The following PCDH11X variants were observed in gnomAD, a reference collection of about 807,000 sequenced individuals.
The protein encoded by PCDH11X is protocadherin-11 X-linked.
In PCDH11X, 18 loss-of-function variants were observed where a neutral mutation model predicts 53.3. That is an observed-to-expected ratio of 0.34 (90% confidence interval 0.23 to 0.50). The LOEUF (loss-of-function observed/expected upper bound fraction) is 0.50. Among genes scored for constraint, PCDH11X ranks in the 20% least tolerant of loss-of-function variants. The pLI, the probability that PCDH11X is intolerant of heterozygous loss-of-function variation, is 0.98. For missense variants in PCDH11X, 570 were observed against 1,032.4 expected (o/e 0.55, Z 6.14); for synonymous variants, 279 against 393.3 (o/e 0.71, Z 3.44).
chrX:92,139,396 C>T (rs1340403521), intron 6 of PCDH11X, among the ~76,000 whole-genome samples: 1 of 106,424 alleles, frequency 9.4e-6, no homozygotes, highest in Non-Finnish European at 1.9e-5. Flanking sequence ...CTGCCTCAGC[C>T]TCCCAAGTAG....
intron 10 of PCDH11X, among the ~76,000 whole-genome samples, chrX:92,594,841 A>AT (rs372757429): frequency 0.29 from 23,614 of 82,290 alleles, 2,443 homozygotes; most frequent in Middle Eastern, 0.45. Context: ...AAACATTGCT[A>AT]TTTTTTTTGT....
intron 6 of PCDH11X, among the ~76,000 whole-genome samples, chrX:91,969,811 G>A (rs867180602): frequency 2.0e-5 from 2 of 99,490 alleles, no homozygotes; most frequent in Admixed American, 2.2e-4. Context: ...AAAAAAAAAA[G>A]GAAAAAAGAA....
At chrX:91,922,190 T>C (rs1941768039) in intron 6 of PCDH11X, among the ~76,000 whole-genome samples, 1 of 112,006 alleles carries the variant, frequency 8.9e-6, no homozygotes, top group Admixed American at 9.5e-5. Context: ...CTAACCTGTA[T>C]ATAGCACTTA....
intron 10 of PCDH11X, among the ~76,000 whole-genome samples, chrX:92,523,483 A>G (rs892575562): frequency 1.8e-5 from 2 of 112,164 alleles, no homozygotes; most frequent in Admixed American, 1.9e-4. Context: ...AGAAGAAAAC[A>G]TGTTGAATGA....
intron 8 of PCDH11X, among the ~76,000 whole-genome samples, chrX:92,315,753 C>A (rs1202501431): frequency 1.9e-5 from 2 of 107,413 alleles, no homozygotes; most frequent in African/African-American, 6.8e-5. Context: ...CCAGGCTGGT[C>A]CTGAACTCTT....
intron 6 of PCDH11X, among the ~76,000 whole-genome samples, chrX:92,034,119 A>T (rs1343572061): frequency 1.8e-5 from 2 of 110,904 alleles, no homozygotes; most frequent in South Asian, 3.8e-4. Context: ...AAGATGCTTG[A>T]TATGATTTCA....
intron 6 of PCDH11X, among the ~76,000 whole-genome samples, chrX:92,191,627 AG>A (rs968482277): frequency 1.8e-5 from 2 of 112,536 alleles, no homozygotes; most frequent in African/African-American, 6.4e-5. Flanking sequence ...ACATCAACCT[AG>A]GAATTGCAGT....
At chrX:91,965,694 C>T (rs139892145) in intron 6 of PCDH11X, among the ~76,000 whole-genome samples, 6,370 of 111,570 alleles carry the variant, frequency 0.057, 144 homozygotes, top group Middle Eastern at 0.069. Context: ...AATAAAAGAT[C>T]TTGTTCAATT....
At chrX:91,945,986 A>G (rs2061567987) in intron 6 of PCDH11X, among the ~76,000 whole-genome samples, 1 of 109,330 alleles carries the variant, frequency 9.1e-6, no homozygotes, top group Non-Finnish European at 1.9e-5. Context: ...TAACTACATT[A>G]TACTTTTAAT....
intron 6 of PCDH11X, among the ~76,000 whole-genome samples, chrX:92,059,053 A>G (rs2063490103): frequency 9.3e-6 from 1 of 107,758 alleles, no homozygotes; most frequent in Non-Finnish European, 1.9e-5. Context: ...GAAGCTTGTG[A>G]TATGATGCTT....
At chrX:91,875,418 G>A (rs988465932) in intron 5 of PCDH11X, among the ~76,000 whole-genome samples, 5 of 106,987 alleles carry the variant, frequency 4.7e-5, no homozygotes, top group Non-Finnish European at 7.7e-5. Flanking sequence ...GAGCAGCTGG[G>A]ACCACAGGCG....
At chrX:92,429,387 A>G (rs1462421689) in intron 9 of PCDH11X, among the ~76,000 whole-genome samples, 1 of 110,132 alleles carries the variant, frequency 9.1e-6, no homozygotes, top group African/African-American at 3.3e-5. Context: ...CACCCTGATC[A>G]TTAATGTCAC....
chrX:92,009,864 G>A (rs1390108471), intron 6 of PCDH11X, among the ~76,000 whole-genome samples: 3 of 108,807 alleles, frequency 2.8e-5, no homozygotes, highest in Admixed American at 1.0e-4. Flanking sequence ...CACCATGCCC[G>A]GCTAATTTTT....
chrX:92,335,406 G>T (rs761995145), intron 8 of PCDH11X, among the ~76,000 whole-genome samples: 1 of 108,773 alleles, frequency 9.2e-6, no homozygotes, highest in African/African-American at 3.3e-5. Flanking sequence ...TCAGGAATCT[G>T]AAAGTAATGT....
At chrX:91,984,336 A>C (rs2147932755) in intron 6 of PCDH11X, among the ~76,000 whole-genome samples, 1 of 99,944 alleles carries the variant, frequency 1.0e-5, no homozygotes, top group Non-Finnish European at 2.0e-5. Context: ...CTTTTGTCAT[A>C]ATGTTCTTTC....
At chrX:92,073,531 A>G (rs759074889) in intron 6 of PCDH11X, among the ~76,000 whole-genome samples, 2 of 112,904 alleles carry the variant, frequency 1.8e-5, no homozygotes, top group Admixed American at 9.4e-5. Context: ...GAATAAAATA[A>G]GATATCTTAC....
chrX:92,278,913 G>C (rs6615353), intron 8 of PCDH11X, among the ~76,000 whole-genome samples: 5,258 of 104,976 alleles, frequency 0.05, 342 homozygotes, highest in East Asian at 0.23. Context: ...CTGGGTTCAA[G>C]CGAGTCTCCT....
chrX:91,867,908 A>G (rs1309139988), intron 5 of PCDH11X, among the ~76,000 whole-genome samples: 3 of 111,614 alleles, frequency 2.7e-5, no homozygotes, highest in Admixed American at 9.5e-5. Context: ...TCTGTTTGAA[A>G]TGTTCAAGGG....
At chrX:92,110,408 G>A (rs1036511146) in intron 6 of PCDH11X, among the ~76,000 whole-genome samples, 1 of 107,712 alleles carries the variant, frequency 9.3e-6, no homozygotes, top group African/African-American at 3.4e-5. Flanking sequence ...AATCATTTTA[G>A]GAGATTTATT....
Sources: allele counts gnomAD v4.1 joint callset (sites outside exome capture counted in the v4.1 genomes callset), GRCh38; gene constraint gnomAD v4.1.1; transcripts MANE v1.5; gene names NCBI Gene and HGNC (gene_info 2026-07-23, HGNC 2026-07-21).